SPOCK3: variants seen among roughly 807,000 people sequenced by gnomAD.
SPOCK3 encodes testican-3.
A neutral mutation model predicts 56.6 loss-of-function variants in SPOCK3; 30 were observed. The ratio of observed to expected loss-of-function variants is 0.53; its 90% CI spans 0.40 to 0.72. SPOCK3 has a LOEUF of 0.72. Among genes scored for constraint, SPOCK3 ranks in the 30% least tolerant of loss-of-function variants. The probability of loss-of-function intolerance (pLI) is 0.00; values close to 1 mark genes in which losing one functional copy is unlikely to be tolerated. For synonymous variants in SPOCK3, 196 were observed against 183.3 expected (o/e 1.07, Z -0.56); for missense variants, 527 against 530.0 (o/e 0.99, Z 0.06).
At chr4:166,753,093 TA>T (rs1288035487) in intron 8 of SPOCK3, among the ~76,000 whole-genome samples, 2 of 152,010 alleles carry the variant, frequency 1.3e-5, no homozygotes, top group Non-Finnish European at 2.9e-5. Flanking sequence ...TATTCTAAGA[TA>T]AAGAATTTAT....
At chr4:166,766,559 G>C (rs1738087399) in intron 7 of SPOCK3, among the ~76,000 whole-genome samples, 1 of 152,134 alleles carries the variant, frequency 6.6e-6, no homozygotes, top group Non-Finnish European at 1.5e-5. Context: ...TGGTGGATAA[G>C]CTTTTTGATG....
chr4:166,836,453 G>A (rs955709980), intron 6 of SPOCK3, among the ~76,000 whole-genome samples: 1 of 152,112 alleles, frequency 6.6e-6, no homozygotes, highest in African/African-American at 2.4e-5. Flanking sequence ...ACTGCCACAA[G>A]GCATCGTTGT....
At chr4:166,843,046 C>A (rs1353433599) in intron 6 of SPOCK3, among the ~76,000 whole-genome samples, 1 of 152,232 alleles carries the variant, frequency 6.6e-6, no homozygotes, top group African/African-American at 2.4e-5. Context: ...GCCTGGCGCA[C>A]CCTCCGCAGC....
chr4:166,993,665 C>T (rs1226159700), intron 4 of SPOCK3, among the ~76,000 whole-genome samples: 1 of 151,970 alleles, frequency 6.6e-6, no homozygotes, highest in East Asian at 1.9e-4. Flanking sequence ...AATCAATTTT[C>T]TCAACTACTT....
chr4:167,217,488 G>C (rs529220125), intron 2 of SPOCK3, among the ~76,000 whole-genome samples: 24 of 151,938 alleles, frequency 1.6e-4, no homozygotes, highest in Non-Finnish European at 3.4e-4. Context: ...ATGAGTGTAG[G>C]TTACATGCAA....
chr4:166,886,230 A>G (rs549689877), intron 6 of SPOCK3, among the ~76,000 whole-genome samples: 3 of 152,112 alleles, frequency 2.0e-5, no homozygotes, highest in Non-Finnish European at 4.4e-5. Flanking sequence ...TATCCTTTGA[A>G]TGAATTTGAT....
intron 3 of SPOCK3, among the ~76,000 whole-genome samples, chr4:167,060,162 T>C (rs1429628642): frequency 6.8e-6 from 1 of 147,562 alleles, no homozygotes; most frequent in Non-Finnish European, 1.5e-5. Flanking sequence ...AATAATAAAA[T>C]AAAAAAAGAA....
intron 6 of SPOCK3, among the ~76,000 whole-genome samples, chr4:166,885,339 T>C (rs1197331741): frequency 6.6e-6 from 1 of 151,852 alleles, no homozygotes; most frequent in East Asian, 1.9e-4. Context: ...TAAATTTCTC[T>C]AAGATTTACT....
intron 6 of SPOCK3, among the ~76,000 whole-genome samples, chr4:166,849,595 TG>T (rs1332683476): frequency 2.0e-5 from 3 of 152,206 alleles, no homozygotes; most frequent in Non-Finnish European, 4.4e-5. Flanking sequence ...TTAATTGTGT[TG>T]AAATACACAT....
intron 4 of SPOCK3, among the ~76,000 whole-genome samples, chr4:166,928,050 G>A (rs1739316084): frequency 6.6e-6 from 1 of 152,106 alleles, no homozygotes; most frequent in African/African-American, 2.4e-5. Flanking sequence ...TTATTAGAAT[G>A]GCCAAAACTC....
chr4:166,807,682 C>G (rs934588883), intron 6 of SPOCK3, among the ~76,000 whole-genome samples: 1 of 152,064 alleles, frequency 6.6e-6, no homozygotes, highest in Non-Finnish European at 1.5e-5. Flanking sequence ...TTGAATAGGA[C>G]ACATACTATA....
chr4:167,140,820 C>A (rs1355167179), intron 2 of SPOCK3, among the ~76,000 whole-genome samples: 1 of 151,976 alleles, frequency 6.6e-6, no homozygotes, highest in Non-Finnish European at 1.5e-5. Context: ...TTTGCTACCC[C>A]TCACAGTTGC....
chr4:166,747,583 G>A (rs1467307607), intron 8 of SPOCK3, among the ~76,000 whole-genome samples: 3 of 152,190 alleles, frequency 2.0e-5, no homozygotes, highest in Non-Finnish European at 2.9e-5. Flanking sequence ...ACAAGACAGG[G>A]ATGCCTTCTC....
At chr4:167,084,637 G>A (rs1441608300) in intron 2 of SPOCK3, among the ~76,000 whole-genome samples, 1 of 152,120 alleles carries the variant, frequency 6.6e-6, no homozygotes, top group Non-Finnish European at 1.5e-5. Context: ...ATCATAGGAA[G>A]TGGGAAGTCT....
chr4:166,795,997 T>C (rs1476909948), intron 6 of SPOCK3, among the ~76,000 whole-genome samples: 1 of 152,174 alleles, frequency 6.6e-6, no homozygotes, highest in Non-Finnish European at 1.5e-5. Context: ...ATTAGTGCTC[T>C]TTTAAAATGG....
chr4:167,119,143 A>AGGGGGGGGGGG (rs67854676), intron 2 of SPOCK3, among the ~76,000 whole-genome samples: 1 of 123,884 alleles, frequency 8.1e-6, no homozygotes, highest in African/African-American at 3.3e-5. Context: ...GGGGTGGGGG[A>AGGGGGGGGGGG]GGGGGGGGAA....
At chr4:166,814,950 G>A (rs1744231117) in intron 6 of SPOCK3, among the ~76,000 whole-genome samples, 1 of 152,038 alleles carries the variant, frequency 6.6e-6, no homozygotes, top group African/African-American at 2.4e-5. Flanking sequence ...TTTAGGGATG[G>A]ACTCAATGAT....
At chr4:167,011,328 G>T (rs1385090848) in intron 3 of SPOCK3, 1 of 455,622 alleles carries the variant, frequency 2.2e-6, no homozygotes, top group Non-Finnish European at 4.4e-6. Flanking sequence ...GTTGATTCAG[G>T]GGTTGTTGCC....
chr4:166,885,627 A>C (rs1310890498), intron 6 of SPOCK3, among the ~76,000 whole-genome samples: 1 of 152,028 alleles, frequency 6.6e-6, no homozygotes, highest in East Asian at 1.9e-4. Context: ...TTACTTTTTA[A>C]AATAGGTTAT....
Sources: allele counts gnomAD v4.1 joint callset (sites outside exome capture counted in the v4.1 genomes callset), GRCh38; gene constraint gnomAD v4.1.1; transcripts MANE v1.5; gene names NCBI Gene and HGNC (gene_info 2026-07-23, HGNC 2026-07-21).